The following DNAAF9 variants were observed in gnomAD, a reference collection of about 807,000 sequenced individuals.
The protein encoded by DNAAF9 is dynein axonemal assembly factor 9.
DNAAF9 carries 90 observed loss-of-function variants against 167.0 expected under a neutral mutation model. The ratio of observed to expected loss-of-function variants is 0.54; its 90% CI spans 0.45 to 0.64. The LOEUF (loss-of-function observed/expected upper bound fraction) is 0.64, where lower values mean the gene tolerates loss of function less well. Among genes scored for constraint, DNAAF9 ranks in the 30% least tolerant of loss-of-function variants. The pLI, the probability that DNAAF9 is intolerant of heterozygous loss-of-function variation, is 0.00. For missense variants in DNAAF9, 1,315 were observed against 1,442.2 expected, an observed-to-expected ratio of 0.91 and a Z score of 1.43; for synonymous variants, 491 against 508.8, an observed-to-expected ratio of 0.96 and a Z score of 0.47.
chr20:3,380,026 G>C (rs375819622), intron 3 of DNAAF9, among the ~76,000 whole-genome samples: 1 of 152,100 alleles, frequency 6.6e-6, no homozygotes, highest in Non-Finnish European at 1.5e-5. Context: ...ACTGCACTCC[G>C]GCCTGGGCAA....
chr20:3,357,190 G>A (rs1176703752), intron 7 of DNAAF9, among the ~76,000 whole-genome samples: 1 of 152,114 alleles, frequency 6.6e-6, no homozygotes, highest in African/African-American at 2.4e-5. Flanking sequence ...TTATTAGTGA[G>A]GCCAGGTGTG....
Position 3,318,295 on chromosome 20 carries a change from C to T in DNAAF9, c.1462G>A (p.Glu488Lys). 7.0e-7 allele frequency: 1 copy of T among 1,423,586 alleles called. No individual in the cohort carries two copies. Among genetic ancestry groups the T allele is most frequent in the Non-Finnish European group, 9.9e-7 (1 of 1,014,452 alleles). 88.2% of individuals were successfully genotyped at this position (1,423,586 alleles called of 1,614,324 possible). ...SFLTSQILVK[E>K]KDGTVTTETS... ...AAAGATCACATATACTTACCCTTTT[C>T]TTTAACTAAGATCTGAGAAGTCAAA... Residue 488 changes from glutamate (E) to lysine (K), a missense_variant, in exon 17 of 37, where the codon GAA becomes AAA. Physicochemically the swap from Glu to Lys is moderately conservative, Grantham distance 56. Transcript: ENST00000252032.
intron 1 of DNAAF9, among the ~76,000 whole-genome samples, chr20:3,387,884 T>TAAAACAAA (rs2083770100): frequency 1.1e-5 from 1 of 87,362 alleles, no homozygotes; most frequent in Non-Finnish European, 2.1e-5. Context: ...CTACAAAAAG[T>TAAAACAAA]AAAAAAAAAA....
chr20:3,390,035 CAAA>C (rs1162463454), intron 1 of DNAAF9, among the ~76,000 whole-genome samples: 4 of 87,760 alleles, frequency 4.6e-5, no homozygotes, highest in Non-Finnish European at 7.1e-5. Flanking sequence ...GACTCCATCT[CAAA>C]AAAAAAAAAA....
At chr20:3,268,967 G>C (rs1297140860) in intron 30 of DNAAF9, among the ~76,000 whole-genome samples, 1 of 143,494 alleles carries the variant, frequency 7.0e-6, no homozygotes, top group South Asian at 2.2e-4. Flanking sequence ...GCAGTGGTGC[G>C]GTCTTGGCTC....
At chr20:3,314,790 TGA>T (rs1426547586) in intron 20 of DNAAF9, among the ~76,000 whole-genome samples, 1 of 152,198 alleles carries the variant, frequency 6.6e-6, no homozygotes, top group Non-Finnish European at 1.5e-5. Context: ...CCTAGCCCAT[TGA>T]GAGAGCTAAC....
chr20:3,397,292 T>C (rs1440598319), intron 1 of DNAAF9, among the ~76,000 whole-genome samples: 1 of 147,814 alleles, frequency 6.8e-6, no homozygotes, highest in African/African-American at 2.5e-5. Context: ...AGTCAATGGA[T>C]AGATGATTAT....
At chr20:3,279,051 T>A in intron 28 of DNAAF9, 102 bp from the exon 29 acceptor site, 1 of 835,628 alleles carries the variant, frequency 1.2e-6, no homozygotes, top group Non-Finnish European at 2.0e-6. Flanking sequence ...GCAAATTGAC[T>A]CACATGATGA....
Position 3,407,637 on chromosome 20 carries a change from TGCGGCCGGGCGGG to T in DNAAF9, c.-93_-81del. On this transcript the variant is annotated 5_prime_UTR_variant, in exon 1 of 37. Coordinates refer to ENST00000252032, the MANE Select transcript of DNAAF9 (RefSeq NM_001009984.3). Reference sequence around the variant, plus strand: ...GCCCGCAGGGCGGCTCCACGCTAGCTGCGGCCGGGCGGGGCGGCAGGGCGTGCCGGGTGGGAGG... The same window carrying T: ...GCCCGCAGGGCGGCTCCACGCTAGCTGCGGCAGGGCGTGCCGGGTGGGAGG... 2.6e-6 allele frequency: 3 copies of T among 1,153,024 alleles called. No homozygotes were observed. Among genetic ancestry groups the T allele is most frequent in the Non-Finnish European group, 3.2e-6 (3 of 938,022 alleles). The allele number at this position is 1,153,024 out of a possible 1,614,324, so 71.4% of individuals were successfully genotyped here. A position where few individuals can be genotyped will look rare whatever the true frequency, so the allele number is the denominator to read the frequency against.
chr20:3,373,552 G>A (rs887663809), intron 6 of DNAAF9, among the ~76,000 whole-genome samples: 2 of 152,212 alleles, frequency 1.3e-5, no homozygotes, highest in African/African-American at 4.8e-5. Flanking sequence ...CATTCCTCTA[G>A]TACATTGTAC....
intron 1 of DNAAF9, among the ~76,000 whole-genome samples, chr20:3,385,698 ATGGGACAATTGTAACTT>A (rs1230478693): frequency 6.6e-6 from 1 of 152,214 alleles, no homozygotes; most frequent in Non-Finnish European, 1.5e-5. Flanking sequence ...TTCCAAAGTG[ATGGGACAATTGTAACTT>A]TATAGAAAAC....
intron 7 of DNAAF9, 35 bp from the exon 8 acceptor site, chr20:3,348,658 C>A: frequency 7.7e-7 from 1 of 1,304,410 alleles, no homozygotes; most frequent in South Asian, 1.3e-5. Flanking sequence ...CGTGTTTGGT[C>A]ATATAAAGGA....
rs183309289 is a variant in DNAAF9 at position 3,318,501 on chromosome 20, A to G, written c.1357-101T>C. The G allele has an allele frequency of 8.1e-4, 538 of 661,136 alleles. 1 individual carries two copies. The African/African-American group carries it at 8.2e-3, about 10-fold the overall frequency. The allele number at this position is 661,136 out of a possible 1,614,324, so 41.0% of individuals were successfully genotyped here. ...AAATACTGCCTAAAGGAACATGGCA[A>G]AAGAGTACTGAAGAGTTTCTAGGGA... On this transcript the variant is annotated intron_variant, in intron 16 of 36. Coordinates refer to ENST00000252032, the MANE Select transcript of DNAAF9 (RefSeq NM_001009984.3).
intron 10 of DNAAF9, among the ~76,000 whole-genome samples, chr20:3,337,639 T>C (rs2069989028): frequency 6.6e-6 from 1 of 152,042 alleles, no homozygotes. Context: ...CTAGTGATTT[T>C]TCAATTGAAA....
chr20:3,304,321 G>T, intron 21 of DNAAF9, 119 bp downstream of exon 21: 1 of 690,806 alleles, frequency 1.4e-6, no homozygotes, highest in South Asian at 1.6e-5. Context: ...CAGTGGCTGT[G>T]CTGGTTCCTG....
chr20:3,347,241 G>C (rs2070209888), intron 8 of DNAAF9, among the ~76,000 whole-genome samples: 2 of 152,138 alleles, frequency 1.3e-5, no homozygotes, highest in African/African-American at 4.8e-5. Flanking sequence ...ACTGAAGCAA[G>C]ATCTTTCAAG....
At chr20:3,261,400 G>A (rs1387552991) in intron 31 of DNAAF9, among the ~76,000 whole-genome samples, 1 of 151,406 alleles carries the variant, frequency 6.6e-6, no homozygotes, top group Non-Finnish European at 1.5e-5. Context: ...ATGGTGTCTT[G>A]CTCTGTCACC....
At position 3,359,549 on chromosome 20, in the gene DNAAF9, C is replaced by T; in HGVS notation, c.657G>A (p.Met219Ile). 2 of 1,612,482 alleles carry T rather than the reference C, an allele frequency of 1.2e-6. No individual in the cohort carries two copies. Among genetic ancestry groups the T allele is most frequent in the Non-Finnish European group, 1.7e-6 (2 of 1,179,440 alleles). ...SLNLWNVYSKMDPMSLESLLS... is the reference protein window; with the variant it reads ...SLNLWNVYSKIDPMSLESLLS... ...GCAAACTCTCCAGAGACATAGGATC[C>T]ATCTTGCTGTAGACATTCCATAGAT... is the stretch of plus-strand genomic sequence containing the variant. The change falls in exon 7 of 37, where the codon ATG (methionine) becomes ATA (isoleucine). Residue 219 changes from methionine to isoleucine, a missense_variant. Around this residue, in one of 2 missense-constraint regions of DNAAF9, gnomAD observed 981 missense variants for 1,012.5 expected, o/e 0.97. Transcript: ENST00000252032.
At chr20:3,307,151 T>A (rs1359422986) in intron 20 of DNAAF9, 7 of 984,778 alleles carry the variant, frequency 7.1e-6, no homozygotes, top group Non-Finnish European at 7.2e-6. Flanking sequence ...ATGAGCGAGG[T>A]CATCTCCAGC....
Sources: gnomAD v4.1 joint callset for allele counts (sites outside exome capture counted in the v4.1 genomes callset) on GRCh38, gnomAD v4.1.1 for gene constraint, gnomAD v4.1.1 regional missense constraint, MANE v1.5 for transcripts, NCBI Gene and HGNC (gene_info 2026-07-23, HGNC 2026-07-21) for gene names.